The following DPH6 variants were observed in gnomAD, a reference collection of about 807,000 sequenced individuals.
The protein encoded by DPH6 is diphthine--ammonia ligase.
Under a neutral mutation model 38.2 loss-of-function variants are expected in DPH6, and 33 were observed. That is an observed-to-expected ratio of 0.86 (90% CI 0.65 to 1.15). The LOEUF is 1.15. Among genes scored for constraint, DPH6 ranks in the 50% most tolerant of loss-of-function variants. The pLI, the probability that DPH6 is intolerant of heterozygous loss-of-function variation, is 0.00. For synonymous variants in DPH6, 108 were observed against 103.0 expected, an observed-to-expected ratio of 1.05 and a Z score of -0.30; for missense variants, 325 against 320.0, an observed-to-expected ratio of 1.02 and a Z score of -0.12.
At chr15:35,459,137 A>G (rs1230692740) in intron 3 of DPH6, among the ~76,000 whole-genome samples, 1 of 152,212 alleles carries the variant, frequency 6.6e-6, no homozygotes, top group African/African-American at 2.4e-5. Flanking sequence ...AATACCATGT[A>G]GACTGGGTTG....
In DPH6 at chr15:35,360,311, C is replaced by T. The variant is rs1250163597; in HGVS notation, n.207+13210G>A. ...GCCTGTTACTGCGGGCACAGGTGGGCACAATTCCTGCCTGGTACCAATCAG... is the reference window on the plus strand; with the variant it reads ...GCCTGTTACTGCGGGCACAGGTGGGTACAATTCCTGCCTGGTACCAATCAG... On this transcript the variant is annotated intron_variant and non_coding_transcript_variant, in intron 3 of 3. Transcript: ENST00000558973. Among the ~76,000 whole-genome samples, 6 of 151,748 alleles carry T rather than the reference C, an allele frequency of 4.0e-5. No individual in the cohort carries two copies. The East Asian group carries it at 1.2e-3, about 29-fold the overall frequency.
chr15:35,307,254 G>A (rs1375975791), intron 3 of DPH6, among the ~76,000 whole-genome samples: 1 of 152,012 alleles, frequency 6.6e-6, no homozygotes, highest in Admixed American at 6.6e-5. Context: ...ACCCTGAGAA[G>A]AGCACATCAT....
intron 3 of DPH6, among the ~76,000 whole-genome samples, chr15:35,248,312 C>T (rs1325297297): frequency 6.6e-6 from 1 of 152,182 alleles, no homozygotes; most frequent in Non-Finnish European, 1.5e-5. Context: ...AAAATTACTA[C>T]TCTAACTTTC....
chr15:35,534,309 A>C (rs1490604952), intron 3 of DPH6, among the ~76,000 whole-genome samples: 1 of 150,596 alleles, frequency 6.6e-6, no homozygotes, highest in Non-Finnish European at 1.5e-5. Flanking sequence ...CCCTGGAGGC[A>C]GAGGTTGTGG....
chr15:35,432,014 T>A (rs1300825704), intron 5 of DPH6, among the ~76,000 whole-genome samples: 4 of 152,140 alleles, frequency 2.6e-5, no homozygotes, highest in Admixed American at 6.5e-5. Context: ...CATCCCAGAA[T>A]AACCAAGTCC....
At chr15:35,268,408 G>C (rs972109106) in intron 3 of DPH6, among the ~76,000 whole-genome samples, 13 of 151,596 alleles carry the variant, frequency 8.6e-5, no homozygotes, top group Admixed American at 8.6e-4. Context: ...AGGTCTGAGA[G>C]ATATTATTAA....
At chr15:35,256,976 T>C (rs951157215) in intron 3 of DPH6, among the ~76,000 whole-genome samples, 4 of 152,132 alleles carry the variant, frequency 2.6e-5, no homozygotes, top group Admixed American at 2.0e-4. Context: ...TGGTAAACAT[T>C]AGATGCATTG....
Position 35,454,763 on chromosome 15 carries a change from T to C in DPH6, c.370A>G (p.Ile124Val), listed in dbSNP as rs750370056. 1.2e-6 allele frequency: 2 copies of C among 1,609,182 alleles called. No homozygotes were observed. Among genetic ancestry groups the C allele is most frequent in the South Asian group, 2.2e-5 (2 of 89,542 alleles). Residue 124 changes from isoleucine (I) to valine (V), a missense_variant, in exon 4 of 9, where the codon ATT (isoleucine) becomes GTT (valine). Coordinates refer to ENST00000256538, the MANE Select transcript of DPH6 (RefSeq NM_080650.4). The stretch of plus-strand genomic sequence containing the variant: ...TTTTCTTACACATTTTCCACTCGAA[T>C]ACGCTGATAGTCAGAAAGTATAGCA... ...VGAILSDYQR[I>V]RVENVCKRLN...
intron 2 of DPH6, 101 bp from the exon 3 acceptor site, chr15:35,538,568 C>A: frequency 9.9e-7 from 1 of 1,005,532 alleles, no homozygotes. Flanking sequence ...CGACACAGAA[C>A]TTGAAAGCTT....
At chr15:35,367,701 A>G (rs1413381381), downstream of DPH6, among the ~76,000 whole-genome samples, 1 of 151,850 alleles carries the variant, frequency 6.6e-6, no homozygotes, top group Non-Finnish European at 1.5e-5. Flanking sequence ...TTTAACTTAA[A>G]GGTAAAATTT....
At chr15:35,264,723 C>T (rs1035157370) in intron 3 of DPH6, among the ~76,000 whole-genome samples, 4 of 152,268 alleles carry the variant, frequency 2.6e-5, no homozygotes, top group African/African-American at 9.6e-5. Flanking sequence ...TTTGTACATT[C>T]ATTCATTCAT....
chr15:35,392,886 GT>G (rs1317526375), intron 6 of DPH6, among the ~76,000 whole-genome samples: 2 of 152,188 alleles, frequency 1.3e-5, no homozygotes, highest in Non-Finnish European at 2.9e-5. Flanking sequence ...GAAACTGCAT[GT>G]GTTAAATCCC....
chr15:35,169,996 C>T, the DPH6 span, among the ~76,000 whole-genome samples: 1 of 152,126 alleles, frequency 6.6e-6, no homozygotes, highest in Admixed American at 6.6e-5. Flanking sequence ...AATTCAAATG[C>T]ACCTATAGCA....
intron 3 of DPH6, chr15:35,521,542 A>T: frequency 8.2e-7 from 1 of 1,223,674 alleles, no homozygotes; most frequent in Non-Finnish European, 1.0e-6. Flanking sequence ...ATTTTGAAGA[A>T]ATCTAAGAGA....
chr15:35,250,432 G>A (rs982545795), intron 3 of DPH6, among the ~76,000 whole-genome samples: 8 of 152,002 alleles, frequency 5.3e-5, no homozygotes, highest in Non-Finnish European at 7.4e-5. Context: ...CAAACCAAGA[G>A]TTTGGGTTTA....
intron 3 of DPH6, among the ~76,000 whole-genome samples, chr15:35,296,804 C>CTTTTTTTTTTTTTTTTTTT (rs772132282): frequency 1.6e-4 from 21 of 127,348 alleles, no homozygotes; most frequent in African/African-American, 4.2e-4. Context: ...GGCCTGGCTT[C>CTTTTTTTTTTTTTTTTTTT]TTTTTTTTTT....
chr15:35,416,636 C>T (rs1255168992), intron 5 of DPH6, among the ~76,000 whole-genome samples: 2 of 152,016 alleles, frequency 1.3e-5, no homozygotes, highest in Admixed American at 6.6e-5. Flanking sequence ...ATAATAACTA[C>T]ATATGTCTTT....
intron 3 of DPH6, among the ~76,000 whole-genome samples, chr15:35,457,326 AC>A (rs2054009837): frequency 6.6e-6 from 1 of 151,388 alleles, no homozygotes; most frequent in Non-Finnish European, 1.5e-5. Context: ...ATTCTTCAAC[AC>A]TGAGCCTATA....
At chr15:35,274,464 A>C (rs62004396) in intron 3 of DPH6, among the ~76,000 whole-genome samples, 13,610 of 152,160 alleles carry the variant, frequency 0.089, 744 homozygotes, top group African/African-American at 0.15. Context: ...AGGCAACCTA[A>C]AGAATGGCAG....
Sources: allele counts gnomAD v4.1 joint callset (sites outside exome capture counted in the v4.1 genomes callset), GRCh38; gene constraint gnomAD v4.1.1; transcripts MANE v1.5; gene names NCBI Gene and HGNC (gene_info 2026-07-23, HGNC 2026-07-21).